CTNNA3: variants seen among roughly 807,000 people sequenced by gnomAD.
The protein encoded by CTNNA3 is catenin alpha 3.
CTNNA3 carries 76 observed loss-of-function variants against 95.7 expected under a neutral mutation model. The observed-to-expected ratio is 0.79, with a 90% CI of 0.66 to 0.96. The LOEUF (loss-of-function observed/expected upper bound fraction) is 0.96, where lower values mean the gene tolerates loss of function less well. CTNNA3 is among the 40% of genes least tolerant of loss of function. The pLI is 0.00. For synonymous variants in CTNNA3, 431 were observed against 374.4 expected, an observed-to-expected ratio of 1.15 and a Z score of -1.74; for missense variants, 1,191 against 1,089.8, an observed-to-expected ratio of 1.09 and a Z score of -1.31.
At position 66,867,187 on chromosome 10, in the gene CTNNA3, C is replaced by T. The variant is rs144627679; in HGVS notation, c.1048-91663G>A. ...TCAGCAGTGTGAAAACAGAATAATA[C>T]AATAACTATATACATTTTCATTATC... is the stretch of plus-strand genomic sequence containing the variant. On this transcript the variant is annotated intron_variant, in intron 7 of 17. Transcript: ENST00000433211. 1.8e-4 allele frequency among the ~76,000 whole-genome samples: 27 copies of T among 152,200 alleles called. No homozygotes were observed. In the East Asian group the frequency reaches 4.2e-3, roughly 24 times the overall value.
chr10:66,115,582 TAGATAGATAGAGATAGAGATAG>T (rs1169503541), intron 13 of CTNNA3, among the ~76,000 whole-genome samples: 81 of 130,154 alleles, frequency 6.2e-4, no homozygotes, highest in Middle Eastern at 7.4e-3. Context: ...AGATAGATGA[TAGATAGATAGAGATAGAGATAG>T]AGATAGAGAT....
intron 10 of CTNNA3, among the ~76,000 whole-genome samples, chr10:66,521,812 T>C (rs541152173): frequency 1.3e-5 from 2 of 152,276 alleles, no homozygotes; most frequent in South Asian, 4.1e-4. Context: ...TTGTGATGTC[T>C]TCAGAATTGT....
chr10:66,948,044 G>T (rs1848363012), intron 7 of CTNNA3, among the ~76,000 whole-genome samples: 1 of 152,198 alleles, frequency 6.6e-6, no homozygotes, highest in Non-Finnish European at 1.5e-5. Context: ...AATGGTATTT[G>T]TGTAGCTACG....
At chr10:66,197,036 G>A (rs372248490) in intron 13 of CTNNA3, among the ~76,000 whole-genome samples, 1 of 152,172 alleles carries the variant, frequency 6.6e-6, no homozygotes, top group South Asian at 2.1e-4. Context: ...ACATAAGACA[G>A]CATGCTGCTA....
At chr10:66,250,138 G>T (rs79684446) in intron 13 of CTNNA3, among the ~76,000 whole-genome samples, 1,730 of 152,234 alleles carry the variant, frequency 0.011, 34 homozygotes, top group African/African-American at 0.04. Flanking sequence ...AGTGAAATGA[G>T]TCAGAAATAG....
At chr10:66,327,173 G>A (rs1335734528) in intron 12 of CTNNA3, among the ~76,000 whole-genome samples, 1 of 151,948 alleles carries the variant, frequency 6.6e-6, no homozygotes, top group Non-Finnish European at 1.5e-5. Context: ...ATTTCAAAGC[G>A]ACAACACTAA....
intron 7 of CTNNA3, among the ~76,000 whole-genome samples, chr10:66,782,006 A>T (rs2132848268): frequency 6.6e-6 from 1 of 152,246 alleles, no homozygotes; most frequent in Non-Finnish European, 1.5e-5. Context: ...CTTAAACTCA[A>T]TATATCTGTT....
At chr10:66,188,758 G>C (rs1177835862) in intron 13 of CTNNA3, among the ~76,000 whole-genome samples, 1 of 151,930 alleles carries the variant, frequency 6.6e-6, no homozygotes, top group Non-Finnish European at 1.5e-5. Flanking sequence ...CTCCCAGATT[G>C]CTCGGTCATA....
At chr10:66,012,434 T>C (rs1403598115) in intron 15 of CTNNA3, among the ~76,000 whole-genome samples, 7 of 152,158 alleles carry the variant, frequency 4.6e-5, no homozygotes, top group African/African-American at 1.7e-4. Flanking sequence ...AAAGTCCAGT[T>C]GGGGTTTTAA....
intron 7 of CTNNA3, among the ~76,000 whole-genome samples, chr10:66,817,536 C>A (rs1036664552): frequency 2.0e-5 from 3 of 151,860 alleles, no homozygotes; most frequent in Non-Finnish European, 2.9e-5. Context: ...ATAGTATGAA[C>A]AACTACATGC....
intron 9 of CTNNA3, among the ~76,000 whole-genome samples, chr10:66,640,949 C>G (rs984616215): frequency 1.3e-5 from 2 of 152,034 alleles, no homozygotes; most frequent in Non-Finnish European, 2.9e-5. Flanking sequence ...AATCACCAAC[C>G]CCTCAACTTT....
intron 15 of CTNNA3, among the ~76,000 whole-genome samples, chr10:66,037,518 C>T (rs547722994): frequency 2.6e-5 from 4 of 152,290 alleles, no homozygotes; most frequent in African/African-American, 9.6e-5. Flanking sequence ...AATTAAGCCT[C>T]ACCTTAACCA....
At chr10:67,278,909 G>A (rs1839288717) in intron 5 of CTNNA3, among the ~76,000 whole-genome samples, 1 of 152,156 alleles carries the variant, frequency 6.6e-6, no homozygotes, top group African/African-American at 2.4e-5. Context: ...GGTTTGTAGG[G>A]CATGATTCCC....
At chr10:65,945,998 C>T (rs543103917) in intron 17 of CTNNA3, among the ~76,000 whole-genome samples, 2 of 152,226 alleles carry the variant, frequency 1.3e-5, no homozygotes, top group African/African-American at 4.8e-5. Context: ...AGCTTCCATG[C>T]CCCTCTGCTG....
intron 9 of CTNNA3, among the ~76,000 whole-genome samples, chr10:66,698,626 C>CA (rs1847844365): frequency 6.6e-6 from 1 of 151,962 alleles, no homozygotes; most frequent in African/African-American, 2.4e-5. Context: ...TCCAGAAATG[C>CA]AAAAAATAGT....
rs4746682 is a variant in CTNNA3, at chr10:67,417,387, G to A, written c.579+104455C>T. Among the ~76,000 whole-genome samples the A allele has an allele frequency of 2.3e-3, 349 of 152,088 alleles. 11 individuals are homozygous for A. Among genetic ancestry groups the A allele is most frequent in the Admixed American group, 0.018 (281 of 15,270 alleles). ...GGACGGGATCTATACCCCAAACCTC[G>A]GCATCATGCAATATTCCCATGTAAC... On this transcript the variant is annotated intron_variant, in intron 5 of 17. Coordinates refer to ENST00000433211, the MANE Select transcript of CTNNA3 (RefSeq NM_013266.4).
chr10:66,620,347 C>CAAA (rs3053864), intron 10 of CTNNA3, among the ~76,000 whole-genome samples: 1 of 151,530 alleles, frequency 6.6e-6, no homozygotes, highest in East Asian at 1.9e-4. Context: ...AAATTAATTA[C>CAAA]AAAATACAAC....
intron 7 of CTNNA3, among the ~76,000 whole-genome samples, chr10:67,035,056 T>C (rs1853961958): frequency 6.6e-6 from 1 of 152,230 alleles, no homozygotes; most frequent in Non-Finnish European, 1.5e-5. Context: ...CACTGTATTT[T>C]ATGAATACTG....
At chr10:66,008,685 G>A (rs1289851423) in intron 15 of CTNNA3, among the ~76,000 whole-genome samples, 2 of 152,142 alleles carry the variant, frequency 1.3e-5, no homozygotes, top group Admixed American at 1.3e-4. Flanking sequence ...ACATTTTAAA[G>A]AGATCAAGTA....
Sources: allele counts gnomAD v4.1 joint callset (sites outside exome capture counted in the v4.1 genomes callset), GRCh38; gene constraint gnomAD v4.1.1; transcripts MANE v1.5; gene names NCBI Gene and HGNC (gene_info 2026-07-23, HGNC 2026-07-21).